Variants in ADCY7 observed in about 807,000 individuals in gnomAD.
ADCY7 encodes adenylate cyclase type 7.
In ADCY7, 72 loss-of-function variants were observed where a neutral mutation model predicts 120.6. The observed-to-expected ratio is 0.60, with a 90% CI of 0.49 to 0.73. The LOEUF (loss-of-function observed/expected upper bound fraction) is 0.73, where lower values mean the gene tolerates loss of function less well. Among genes scored for constraint, ADCY7 ranks in the 30% least tolerant of loss-of-function variants. The pLI, the probability that ADCY7 is intolerant of heterozygous loss-of-function variation, is 0.00. For missense variants in ADCY7, 1,227 were observed against 1,486.0 expected, an observed-to-expected ratio of 0.83 and a Z score of 2.87; for synonymous variants, 661 against 628.0, an observed-to-expected ratio of 1.05 and a Z score of -0.78.
intron 1 of ADCY7, among the ~76,000 whole-genome samples, chr16:50,267,450 C>A: frequency 6.6e-6 from 1 of 152,312 alleles, no homozygotes; most frequent in Admixed American, 6.5e-5. Context: ...AAGCCAAGGG[C>A]CTGGAGGTAG....
At chr16:50,245,580 C>T (rs2032554851), upstream of ADCY7, among the ~76,000 whole-genome samples, 1 of 152,104 alleles carries the variant, frequency 6.6e-6, no homozygotes, top group South Asian at 2.1e-4. Context: ...CACCTACTTT[C>T]TGAGGACACC....
intron 10 of ADCY7, among the ~76,000 whole-genome samples, chr16:50,302,151 C>A (rs896032274): frequency 8.4e-6 from 1 of 119,410 alleles, no homozygotes; most frequent in Non-Finnish European, 2.0e-5. Context: ...CACCTGGTCT[C>A]CTCCTGCCCT....
At position 50,270,774 on chromosome 16, in the gene ADCY7, G is replaced by T. The variant is rs141493043; in HGVS notation, c.-269+4094G>T. Among the ~76,000 whole-genome samples the T allele has an allele frequency of 3.5e-3, 529 of 152,332 alleles. 2 individuals are homozygous for T. Among genetic ancestry groups the T allele is most frequent in the Non-Finnish European group, 5.4e-3 (364 of 68,030 alleles). ...TATCTGTAAAATGGGGCTGATGGCA[G>T]TGCTCAGGTAGGTTAATGGGAGGGC... On this transcript the variant is annotated intron_variant, in intron 1 of 25. Transcript: ENST00000673801.
rs2230664 is a variant in ADCY7, at chr16:50,315,045, G to C, written c.3003G>C (p.Val1001=). Residue 1001 remains valine, a synonymous_variant, in exon 25 of 26, where the codon GTG becomes GTC. Transcript: ENST00000673801. The stretch of plus-strand genomic sequence containing the variant: ...ACCATGGGCCTGTGATTGCTGGAGT[G>C]ATTGGGGCCCGAAAACCTCAGTATG... The part of the protein sequence containing the change: ...GINHGPVIAG[V]IGARKPQYDI... 1.5e-4 allele frequency: 240 copies of C among 1,614,234 alleles called. 1 individual carries two copies. Among genetic ancestry groups the C allele is most frequent in the Non-Finnish European group, 1.4e-5 (17 of 1,180,046 alleles).
chr16:50,313,236 G>A, intron 22 of ADCY7, 200 bp downstream of exon 22: 1 of 557,688 alleles, frequency 1.8e-6, no homozygotes, highest in Non-Finnish European at 3.0e-6. Context: ...GGCCAACATG[G>A]CGAAACCCTG....
intron 17 of ADCY7, chr16:50,309,037 A>T: frequency 2.3e-6 from 1 of 440,218 alleles, no homozygotes; most frequent in Non-Finnish European, 4.0e-6. Flanking sequence ...GAGCCACCAC[A>T]TCCTGACATC....
chr16:50,266,796 C>T (rs1001065053), intron 1 of ADCY7, 116 bp downstream of exon 1: 3 of 152,466 alleles, frequency 2.0e-5, no homozygotes, highest in African/African-American at 7.3e-5. Flanking sequence ...TGGGAGTGCA[C>T]TGGGCAGGGT....
intron 1 of ADCY7, among the ~76,000 whole-genome samples, chr16:50,276,514 C>G (rs913562134): frequency 6.6e-6 from 1 of 152,238 alleles, no homozygotes; most frequent in Non-Finnish European, 1.5e-5. Context: ...TGGGGTAGGA[C>G]TGTTATTCTC....
intron 1 of ADCY7, among the ~76,000 whole-genome samples, chr16:50,271,731 C>T (rs941731057): frequency 5.3e-5 from 8 of 152,222 alleles, no homozygotes; most frequent in Non-Finnish European, 7.3e-5. Flanking sequence ...ACAGTTCCCA[C>T]TGCCTGGGGT....
At chr16:50,263,617 T>C (rs1231452036), upstream of ADCY7, among the ~76,000 whole-genome samples, 4 of 152,106 alleles carry the variant, frequency 2.6e-5, no homozygotes, top group Non-Finnish European at 4.4e-5. Context: ...CAGGGCCCCA[T>C]AAGCTCCCAG....
At chr16:50,246,439 G>A in intron 1 of ADCY7, among the ~76,000 whole-genome samples, 1 of 152,144 alleles carries the variant, frequency 6.6e-6, no homozygotes. Flanking sequence ...CTTAGGCACG[G>A]CCAGGAGACG....
intron 22 of ADCY7, chr16:50,313,736 G>A: frequency 3.6e-6 from 2 of 560,604 alleles, no homozygotes; most frequent in Non-Finnish European, 6.4e-6. Flanking sequence ...GAAGGGAAGA[G>A]GGAGACAGTG....
At chr16:50,310,567 G>A (rs2036390697) in intron 18 of ADCY7, 120 bp from the exon 19 acceptor site, 1 of 1,565,778 alleles carries the variant, frequency 6.4e-7, no homozygotes, top group African/African-American at 1.4e-5. Context: ...GAGAAGGGAG[G>A]TGGTAAGGCA....
In ADCY7 at chr16:50,304,216, G is replaced by A. The variant is rs112947392; in HGVS notation, c.1369-144G>A. On this transcript the variant is annotated intron_variant, in intron 10 of 25. Transcript: ENST00000673801. ...GGCAGCCGCTCTCCAAGGGGACTGC[G>A]GGTTGAGCAACTTCTTTGCTGTTTA... 2,288 of 851,870 alleles carry A rather than the reference G, an allele frequency of 2.7e-3. 36 individuals are homozygous for A. The African/African-American group carries it at 0.032, about 12-fold the overall frequency. 52.8% of individuals were successfully genotyped at this position (851,870 alleles called of 1,614,324 possible). A position where few individuals can be genotyped will look rare whatever the true frequency, so the allele number is the denominator to read the frequency against.
intron 1 of ADCY7, among the ~76,000 whole-genome samples, chr16:50,259,196 T>C (rs1382471624): frequency 2.6e-5 from 4 of 152,192 alleles, no homozygotes; most frequent in Non-Finnish European, 5.9e-5. Context: ...CCGATTTTCT[T>C]GTATGCAAAA....
At chr16:50,248,506 G>T (rs890249105) in intron 1 of ADCY7, among the ~76,000 whole-genome samples, 4 of 152,248 alleles carry the variant, frequency 2.6e-5, no homozygotes, top group Non-Finnish European at 5.9e-5. Context: ...CTGCAGGCAG[G>T]CTAGGCTGTG....
At position 50,308,759 on chromosome 16, in the gene ADCY7, C is replaced by T. The variant is rs774567030; in HGVS notation, c.2028C>T (p.Ile676=). ...LLRLTLAVLT[I]GSLLTVAIIN... ...GGCTGACCCTGGCCGTCCTGACCAT[C>T]GGCAGCCTGCTCACTGTGGCCATCA... The change falls in exon 17 of 26, where the codon ATC becomes ATT. Residue 676 remains isoleucine, a synonymous_variant. Coordinates refer to ENST00000673801, the MANE Select transcript of ADCY7 (RefSeq NM_001114.5). 1.4e-5 allele frequency: 23 copies of T among 1,612,382 alleles called. No homozygotes were observed. Among genetic ancestry groups the T allele is most frequent in the South Asian group, 7.7e-5 (7 of 91,068 alleles).
At chr16:50,275,494 A>C (rs2033829915) in intron 1 of ADCY7, among the ~76,000 whole-genome samples, 1 of 152,244 alleles carries the variant, frequency 6.6e-6, no homozygotes, top group Non-Finnish European at 1.5e-5. Context: ...GATTCAGTGC[A>C]AAAAGAGTCT....
At chr16:50,303,587 C>T (rs1469913033) in intron 10 of ADCY7, among the ~76,000 whole-genome samples, 2 of 151,834 alleles carry the variant, frequency 1.3e-5, no homozygotes, top group African/African-American at 2.4e-5. Context: ...GCGAAGGCCT[C>T]AGGCATGTGT....
Sources: gnomAD v4.1 joint callset for allele counts (sites outside exome capture counted in the v4.1 genomes callset) on GRCh38, gnomAD v4.1.1 for gene constraint, MANE v1.5 for transcripts, NCBI Gene and HGNC (gene_info 2026-07-23, HGNC 2026-07-21) for gene names.